R3HDM4: variants seen among roughly 807,000 people sequenced by gnomAD.
R3HDM4 encodes the protein R3H domain containing 4.
Under a neutral mutation model 31.3 loss-of-function variants are expected in R3HDM4, and 30 were observed. The ratio of observed to expected loss-of-function variants is 0.96; its 90% CI spans 0.72 to 1.30. The LOEUF (loss-of-function observed/expected upper bound fraction) is 1.30, where lower values mean the gene tolerates loss of function less well. R3HDM4 is among the 50% of genes most tolerant of loss of function. The pLI, the probability that R3HDM4 is intolerant of heterozygous loss-of-function variation, is 0.00. For missense variants in R3HDM4, 444 were observed against 366.1 expected (o/e 1.21, Z -1.74); for synonymous variants, 196 against 156.6 (o/e 1.25, Z -1.88).
At chr19:901,071 G>A (rs1240164648) in intron 3 of R3HDM4, 119 bp from the exon 4 acceptor site, 1 of 1,274,988 alleles carries the variant, frequency 7.8e-7, no homozygotes. Context: ...GGTCACCTCT[G>A]TCCACTGAGG....
At chr19:906,805 G>GTTTTTTTT (rs1376047499) in intron 1 of R3HDM4, among the ~76,000 whole-genome samples, 1 of 66,590 alleles carries the variant, frequency 1.5e-5, no homozygotes, top group Non-Finnish European at 3.6e-5. Flanking sequence ...ACAGATTTGG[G>GTTTTTTTT]GTTTTTTTGT....
At position 907,279 on chromosome 19, in the gene R3HDM4, C is replaced by G. The variant is rs1025302396; in HGVS notation, c.72-5149G>C. Among the ~76,000 whole-genome samples, 5 of 152,178 alleles carry G rather than the reference C, an allele frequency of 3.3e-5. No homozygotes were observed. The highest frequency in any genetic ancestry group is 1.2e-4 in the African/African-American group (5 of 41,438). On this transcript the variant is annotated intron_variant, in intron 1 of 7. Coordinates refer to ENST00000361574, the MANE Select transcript of R3HDM4 (RefSeq NM_138774.4). This position sits in a 1 kb window ranked among gnomAD's most constrained non-coding sequence, Gnocchi z 4.1. ...ACAGGGTCATGTTAAGCCAGCGTCT[C>G]TGAAGCTGGATCAGCCTGAAGCTGC...
chr19:908,829 G>A (rs1683580), intron 1 of R3HDM4, among the ~76,000 whole-genome samples: 3,916 of 151,484 alleles, frequency 0.026, 188 homozygotes, highest in African/African-American at 0.091. Context: ...CAGCCGGCCC[G>A]TTTACTTCTT....
In R3HDM4 at chr19:904,074, G is replaced by A. The variant is rs145926098; in HGVS notation, c.72-1944C>T. ...TCAAAAGCCAAACAAACAAAAAACC[G>A]TAATGCTAGCTCCACTGGGCTCACA... On this transcript the variant is annotated intron_variant, in intron 1 of 7. Transcript: ENST00000361574. Among the ~76,000 whole-genome samples the A allele has an allele frequency of 3.7e-4, 56 of 152,130 alleles. 2 individuals carry two copies. The East Asian group carries it at 7.7e-3, about 21-fold the overall frequency.
At chr19:897,677 G>A (rs2036758668) in intron 7 of R3HDM4, 137 bp from the exon 8 acceptor site, 1 of 675,002 alleles carries the variant, frequency 1.5e-6, no homozygotes, top group Non-Finnish European at 2.5e-6. Flanking sequence ...ACTGCGGCCT[G>A]GCTGGCCCTA....
chr19:900,293 GC>G (rs2036810512), intron 4 of R3HDM4, 147 bp from the exon 5 acceptor site: 1 of 610,528 alleles, frequency 1.6e-6, no homozygotes, highest in South Asian at 2.1e-5. Flanking sequence ...CGATACTGTG[GC>G]CCCATCCAGC....
At position 913,049 on chromosome 19, in the gene R3HDM4, C is replaced by CA. The variant is rs1278803034; in HGVS notation, c.71+37_71+38insT. 4 of 875,832 alleles carry CA rather than the reference C, an allele frequency of 4.6e-6. No homozygotes were observed. The highest frequency in any genetic ancestry group is 1.0e-4 in the South Asian group (2 of 19,808). 54.3% of individuals were successfully genotyped at this position (875,832 alleles called of 1,614,324 possible). ...ATCTCAGGGGAGGGAGCCCAGCCCG[C>CA]CCCCGGCGCCCGCCGCGCCCCGCCC... On this transcript the variant is annotated intron_variant, in intron 1 of 7. Transcript: ENST00000361574. This position sits in a 1 kb window ranked among gnomAD's most constrained non-coding sequence, Gnocchi z 5.0.
At position 900,626 on chromosome 19, in the gene R3HDM4, G is replaced by A. The variant is rs532647509; in HGVS notation, c.475+203C>T. Among the ~76,000 whole-genome samples, 100 of 74,142 alleles carry A rather than the reference G, an allele frequency of 1.3e-3. 1 individual carries two copies. Among genetic ancestry groups the A allele is most frequent in the South Asian group, 6.4e-3 (15 of 2,340 alleles). The allele number at this position is 74,142 out of a possible 152,430, so 48.6% of individuals were successfully genotyped here. ...CCCGCCCACACCCCATCCATATCCT[G>A]CCCCCCATCGCGGCCCCACCCACCC... On this transcript the variant is annotated intron_variant, in intron 4 of 7. Coordinates refer to ENST00000361574, the MANE Select transcript of R3HDM4 (RefSeq NM_138774.4).
intron 1 of R3HDM4, among the ~76,000 whole-genome samples, chr19:905,577 C>A (rs1415541028): frequency 1.4e-5 from 2 of 145,452 alleles, no homozygotes; most frequent in African/African-American, 2.6e-5. Context: ...CCTAGCTACT[C>A]GGGAGGCTGA....
intron 1 of R3HDM4, 188 bp from the exon 2 acceptor site, chr19:902,318 T>C: frequency 1.6e-6 from 1 of 627,730 alleles, no homozygotes; most frequent in South Asian, 2.0e-5. Flanking sequence ...CAGATACAAT[T>C]GTGAAGACGG....
intron 1 of R3HDM4, among the ~76,000 whole-genome samples, chr19:909,764 C>T (rs1437785640): frequency 1.1e-4 from 17 of 151,926 alleles, no homozygotes; most frequent in Admixed American, 9.2e-4. Context: ...CCACTGCACT[C>T]CAGCCTGGGT....
At chr19:901,314 A>G in intron 3 of R3HDM4, 108 bp downstream of exon 3, 1 of 1,249,298 alleles carries the variant, frequency 8.0e-7, no homozygotes, top group Non-Finnish European at 1.1e-6. Context: ...TTAGGAGATC[A>G]GAAGTGGGCG....
At chr19:903,381 C>G (rs549761230) in intron 1 of R3HDM4, among the ~76,000 whole-genome samples, 8 of 152,292 alleles carry the variant, frequency 5.3e-5, no homozygotes, top group African/African-American at 1.9e-4. Flanking sequence ...GGGCCTCCCA[C>G]CGAGAATCCA....
chr19:900,487 A>C, intron 4 of R3HDM4, among the ~76,000 whole-genome samples: 3 of 128,610 alleles, frequency 2.3e-5, no homozygotes, highest in African/African-American at 6.1e-5. Context: ...CATCCACTCC[A>C]TGTCCCGCCC....
In R3HDM4 at chr19:899,743, G is replaced by C; in HGVS notation, c.562-57C>G. On this transcript the variant is annotated intron_variant, in intron 5 of 7. Transcript: ENST00000361574. The surrounding 1 kb of genome is among the most constrained non-coding windows in gnomAD (Gnocchi z 6.8). ...GCGGGACCTGTGGGTGGGGGGCCAG[G>C]GAGGTCCAGGGCCCCCAGGAGCCCA... 1 of 1,375,912 alleles carries C rather than the reference G, an allele frequency of 7.3e-7. No homozygotes were observed. The highest frequency in any genetic ancestry group is 1.5e-5 in the African/African-American group (1 of 68,670). 85.2% of individuals were successfully genotyped at this position (1,375,912 alleles called of 1,614,324 possible). A position where few individuals can be genotyped will look rare whatever the true frequency, so the allele number is the denominator to read the frequency against.
intron 2 of R3HDM4, 199 bp downstream of exon 2, chr19:901,776 AC>A: frequency 2.2e-6 from 1 of 446,942 alleles, no homozygotes; most frequent in Non-Finnish European, 4.1e-6. Context: ...GCGCCCTCCC[AC>A]CCAGCCCTGA....
Position 907,609 on chromosome 19 carries a change from A to C in R3HDM4, c.71+5478T>G, listed in dbSNP as rs951786566. Among the ~76,000 whole-genome samples the C allele has an allele frequency of 6.6e-6, 1 of 151,848 alleles. No individual in the cohort carries two copies. Among genetic ancestry groups the C allele is most frequent in the African/African-American group, 2.4e-5 (1 of 41,334 alleles). ...GGATGTGAACCTGGGTCTGACCCAGAACCCCAGAGCTACCCTGCTTCCCTC... is the reference window on the plus strand; with the variant it reads ...GGATGTGAACCTGGGTCTGACCCAGCACCCCAGAGCTACCCTGCTTCCCTC... On this transcript the variant is annotated intron_variant, in intron 1 of 7. Transcript: ENST00000361574. The surrounding 1 kb of genome is among the most constrained non-coding windows in gnomAD (Gnocchi z 4.1).
chr19:901,654 C>T, intron 2 of R3HDM4, 108 bp from the exon 3 acceptor site: 2 of 1,387,692 alleles, frequency 1.4e-6, no homozygotes, highest in Non-Finnish European at 1.9e-6. Context: ...TCAACCTCCG[C>T]ACCTCCATGC....
chr19:913,113 C>T lies in R3HDM4; in HGVS notation c.45G>A (p.Glu15=). Residue 15 remains glutamate, a synonymous_variant, in exon 1 of 8, where the codon GAG becomes GAA. Transcript: ENST00000361574. The surrounding 1 kb of genome is among the most constrained non-coding windows in gnomAD (Gnocchi z 5.0). ...GCAGCCGCCGCCCGCCCGGGGTGCCCTCCGCCGCCTCCGGGCCGCACTCGG... is the reference window on the plus strand; with the variant it reads ...GCAGCCGCCGCCCGCCCGGGGTGCCTTCCGCCGCCTCCGGGCCGCACTCGG... ...ENPECGPEAA[E]GTPGGRRLLP... The T allele has an allele frequency of 1.8e-6, 2 of 1,081,522 alleles. No individual in the cohort carries two copies. The highest frequency in any genetic ancestry group is 2.2e-6 in the Non-Finnish European group (2 of 892,594). 67.0% of individuals were successfully genotyped at this position (1,081,522 alleles called of 1,614,324 possible).
Sources: allele counts gnomAD v4.1 joint callset (sites outside exome capture counted in the v4.1 genomes callset), GRCh38; gene constraint gnomAD v4.1.1; non-coding constraint Gnocchi (gnomAD v3.1); transcripts MANE v1.5; gene names NCBI Gene and HGNC (gene_info 2026-07-23, HGNC 2026-07-21).